The following OLA1 variants were observed in gnomAD, a reference collection of about 807,000 sequenced individuals.
The protein encoded by OLA1 is obg-like ATPase 1.
In OLA1, 14 loss-of-function variants were observed where a neutral mutation model predicts 48.4. The ratio of observed to expected loss-of-function variants is 0.29; its 90% confidence interval spans 0.19 to 0.45. The LOEUF is 0.45. Among genes scored for constraint, OLA1 ranks in the 20% least tolerant of loss-of-function variants. The pLI is 1.00. For synonymous variants in OLA1, 127 were observed against 150.4 expected, an observed-to-expected ratio of 0.84 and a Z score of 1.14; for missense variants, 325 against 467.1, an observed-to-expected ratio of 0.70 and a Z score of 2.80.
chr2:174,135,032 C>T (rs112776311), intron 5 of OLA1, among the ~76,000 whole-genome samples: 17,038 of 151,688 alleles, frequency 0.11, 2,189 homozygotes, highest in East Asian at 0.71. Flanking sequence ...TGGTGGCGGG[C>T]GCCTGTAGTC....
chr2:174,139,722 G>A lies in OLA1; in HGVS notation c.549+2103C>T, dbSNP rs182084189. Among the ~76,000 whole-genome samples, 302 of 152,018 alleles carry A rather than the reference G, an allele frequency of 2.0e-3. 1 individual carries two copies. The highest frequency in any genetic ancestry group is 6.9e-3 in the African/African-American group (286 of 41,460). On this transcript the variant is annotated intron_variant, in intron 5 of 10. Coordinates refer to ENST00000284719, the MANE Select transcript of OLA1 (RefSeq NM_013341.5). The stretch of plus-strand genomic sequence containing the variant: ...TCTACTAAAAATACAAAAATTAGCC[G>A]GGTGTGGTGGCATGCACCTGTAGTC...
chr2:174,099,677 A>G (rs1345076066), intron 7 of OLA1, among the ~76,000 whole-genome samples: 1 of 152,236 alleles, frequency 6.6e-6, no homozygotes, highest in East Asian at 1.9e-4. Context: ...CTGTTTACAT[A>G]TAAATTAATT....
At chr2:174,172,040 G>GTTT (rs1312833424) in intron 4 of OLA1, 1 of 191,164 alleles carries the variant, frequency 5.2e-6, no homozygotes, top group Non-Finnish European at 1.1e-5. Flanking sequence ...ACAGTAAAAC[G>GTTT]GTTCAATGTA....
chr2:174,078,404 T>C (rs1251914149), intron 10 of OLA1, among the ~76,000 whole-genome samples: 1 of 151,960 alleles, frequency 6.6e-6, no homozygotes. Context: ...ACTACTCATG[T>C]ATAAAACTGC....
chr2:174,246,942 C>G, intron 1 of OLA1, 127 bp from the exon 2 acceptor site: 1 of 496,032 alleles, frequency 2.0e-6, no homozygotes, highest in Admixed American at 3.6e-5. Flanking sequence ...TATAGCGATC[C>G]AAAACTAACA....
intron 5 of OLA1, among the ~76,000 whole-genome samples, chr2:174,126,064 T>G: frequency 6.6e-6 from 1 of 152,274 alleles, no homozygotes; most frequent in Middle Eastern, 3.4e-3. Context: ...GATAAGACTA[T>G]CTTATATAAA....
chr2:174,092,313 C>G (rs905522092), intron 7 of OLA1, among the ~76,000 whole-genome samples: 4 of 151,946 alleles, frequency 2.6e-5, no homozygotes, highest in African/African-American at 9.7e-5. Flanking sequence ...AATGTTGGAT[C>G]AGTGAATATG....
chr2:174,111,324 G>T (rs189600330), intron 7 of OLA1, among the ~76,000 whole-genome samples: 1 of 152,242 alleles, frequency 6.6e-6, no homozygotes, highest in East Asian at 1.9e-4. Flanking sequence ...TGCATGAAAA[G>T]CATGCTATAA....
chr2:174,174,361 A>G (rs986109813), intron 4 of OLA1, among the ~76,000 whole-genome samples: 1 of 152,016 alleles, frequency 6.6e-6, no homozygotes, highest in East Asian at 1.9e-4. Context: ...GGGAATAACA[A>G]AAGCTTACCA....
At chr2:174,094,153 T>C (rs1685190526) in intron 7 of OLA1, among the ~76,000 whole-genome samples, 1 of 152,190 alleles carries the variant, frequency 6.6e-6, no homozygotes, top group Non-Finnish European at 1.5e-5. Flanking sequence ...AAAACGTCAG[T>C]AGAGTCTTTC....
chr2:174,157,822 A>C (rs1686921704), intron 4 of OLA1, among the ~76,000 whole-genome samples: 1 of 152,198 alleles, frequency 6.6e-6, no homozygotes, highest in South Asian at 2.1e-4. Flanking sequence ...AATAGAGATC[A>C]CATTCTTGGG....
At chr2:174,186,519 A>C (rs1292034752) in intron 4 of OLA1, among the ~76,000 whole-genome samples, 6 of 152,206 alleles carry the variant, frequency 3.9e-5, no homozygotes, top group African/African-American at 1.4e-4. Flanking sequence ...AGTCCTCTTG[A>C]GCTGGCATAT....
At chr2:174,113,146 T>A (rs560517566) in intron 7 of OLA1, among the ~76,000 whole-genome samples, 3 of 152,262 alleles carry the variant, frequency 2.0e-5, no homozygotes, top group African/African-American at 7.2e-5. Flanking sequence ...GGTTTCACCA[T>A]GTCGGTCAGG....
Position 174,147,371 on chromosome 2 carries a change from G to A in OLA1, c.374-5371C>T, listed in dbSNP as rs571878457. ...GAACCCGGGAGGCAGAGGTTGCGGT[G>A]AGCCGAGATCGTGCCACTGCACTCC... On this transcript the variant is annotated intron_variant, in intron 4 of 10. Coordinates refer to ENST00000284719, the MANE Select transcript of OLA1 (RefSeq NM_013341.5). Among the ~76,000 whole-genome samples the A allele has an allele frequency of 2.6e-5, 4 of 152,216 alleles. 1 individual carries two copies. The South Asian group carries it at 6.2e-4, about 24-fold the overall frequency.
chr2:174,244,717 G>A (rs1414750811), intron 2 of OLA1, among the ~76,000 whole-genome samples: 2 of 151,560 alleles, frequency 1.3e-5, no homozygotes, highest in Non-Finnish European at 2.9e-5. Context: ...TCCACCCCCC[G>A]GGCTCAAGCT....
chr2:174,144,940 AAAAAAAAAAAAAT>A (rs1174474811), intron 4 of OLA1, among the ~76,000 whole-genome samples: 3 of 68,190 alleles, frequency 4.4e-5, no homozygotes, highest in Non-Finnish European at 6.0e-5. Flanking sequence ...TAAAAAAAAA[AAAAAAAAAAAAAT>A]ATATATATAT....
At chr2:174,243,069 C>T (rs1249264512) in intron 2 of OLA1, among the ~76,000 whole-genome samples, 3 of 151,936 alleles carry the variant, frequency 2.0e-5, no homozygotes, top group African/African-American at 7.3e-5. Flanking sequence ...AGTGCAGTGG[C>T]GCGATCTCAG....
At chr2:174,137,102 T>G (rs1208593381) in intron 5 of OLA1, among the ~76,000 whole-genome samples, 1 of 152,234 alleles carries the variant, frequency 6.6e-6, no homozygotes, top group Non-Finnish European at 1.5e-5. Context: ...AATAATAAGA[T>G]AGGAACATCA....
chr2:174,149,335 A>G (rs1686689806), intron 4 of OLA1, among the ~76,000 whole-genome samples: 1 of 151,924 alleles, frequency 6.6e-6, no homozygotes, highest in Non-Finnish European at 1.5e-5. Flanking sequence ...TTCTCTGGTC[A>G]TTTCTTTTCT....
Sources: allele counts gnomAD v4.1 joint callset (sites outside exome capture counted in the v4.1 genomes callset), GRCh38; gene constraint gnomAD v4.1.1; transcripts MANE v1.5; gene names NCBI Gene and HGNC (gene_info 2026-07-23, HGNC 2026-07-21).